The following CDKN2B variants were observed in gnomAD, a reference collection of about 807,000 sequenced individuals.
CDKN2B encodes cyclin-dependent kinase 4 inhibitor B.
In CDKN2B, 8 loss-of-function variants were observed where a neutral mutation model predicts 7.7. That is an observed-to-expected ratio of 1.04 (90% CI 0.61 to 1.87). The LOEUF is 1.87. Ranked by LOEUF, CDKN2B falls within the 40% of genes most tolerant of loss-of-function variation. CDKN2B has a pLI of 0.00. For missense variants in CDKN2B, 244 were observed against 213.1 expected (o/e 1.15, Z -0.90); for synonymous variants, 93 against 95.8 (o/e 0.97, Z 0.17).
At chr9:22,007,379 A>G (rs1821243350) in intron 1 of CDKN2B, among the ~76,000 whole-genome samples, 2 of 152,056 alleles carry the variant, frequency 1.3e-5, no homozygotes, top group African/African-American at 4.8e-5. Flanking sequence ...AAATAAATAA[A>G]TAAATAAATA....
Position 22,009,027 on chromosome 9 carries a change from T to C in CDKN2B, c.-74A>G. 6.3e-7 allele frequency: 1 copy of C among 1,598,002 alleles called. No homozygotes were observed. Among genetic ancestry groups the C allele is most frequent in the Non-Finnish European group, 8.6e-7 (1 of 1,166,368 alleles). On this transcript the variant is annotated 5_prime_UTR_variant, in exon 1 of 2. Coordinates refer to ENST00000276925, the MANE Select transcript of CDKN2B (RefSeq NM_004936.4). ...TAAACTTAACGACACTCTTCCCTTCTTTCCCACGCTGCTCCGGCGCACTCT... is the reference window on the plus strand; with the variant it reads ...TAAACTTAACGACACTCTTCCCTTCCTTCCCACGCTGCTCCGGCGCACTCT...
intron 1 of CDKN2B, among the ~76,000 whole-genome samples, chr9:22,008,053 C>A (rs1263692435): frequency 6.6e-6 from 1 of 152,056 alleles, no homozygotes; most frequent in East Asian, 1.9e-4. Flanking sequence ...TAAAAAATAT[C>A]AGTACTAATT....
Position 22,008,779 on chromosome 9 carries a change from G to A in CDKN2B, c.156+19C>T, listed in dbSNP as rs752167737. 2 of 1,607,682 alleles carry A rather than the reference G, an allele frequency of 1.2e-6. No homozygotes were observed. Among genetic ancestry groups the A allele is most frequent in the South Asian group, 1.1e-5 (1 of 90,756 alleles). On this transcript the variant is annotated intron_variant, in intron 1 of 1. Coordinates refer to ENST00000276925, the MANE Select transcript of CDKN2B (RefSeq NM_004936.4). The stretch of plus-strand genomic sequence containing the variant: ...CGTTCGCGCGCCCCCTGCCGGCGAG[G>A]CCCTGGGGCCCCAGCTACCTGGATC...
Position 22,009,136 on chromosome 9 carries a change from G to T in CDKN2B, c.-183C>A, listed in dbSNP as rs1176053324. ...TGGGGCCCCGTGCAGTGGCCGAGCGGCCGGTCGTTAGCTCCGGGCTTTTCC... is the reference window on the plus strand; with the variant it reads ...TGGGGCCCCGTGCAGTGGCCGAGCGTCCGGTCGTTAGCTCCGGGCTTTTCC... On this transcript the variant is annotated 5_prime_UTR_variant, in exon 1 of 2. Coordinates refer to ENST00000276925, the MANE Select transcript of CDKN2B (RefSeq NM_004936.4). 1.2e-6 allele frequency: 1 copy of T among 814,056 alleles called. No homozygotes were observed. The highest frequency in any genetic ancestry group is 2.0e-6 in the Non-Finnish European group (1 of 506,638). The allele number at this position is 814,056 out of a possible 1,614,324, so 50.4% of individuals were successfully genotyped here. A position where few individuals can be genotyped will look rare whatever the true frequency, so the allele number is the denominator to read the frequency against.
In CDKN2B at chr9:22,005,112, ATGTGTG is replaced by A. The variant is rs3028393; in HGVS notation, c.*869_*874del. 1,607 of 225,476 alleles carry A rather than the reference ATGTGTG, an allele frequency of 7.1e-3. 5 individuals are homozygous for A. The highest frequency in any genetic ancestry group is 0.011 in the Non-Finnish European group (1,285 of 114,162). 14.0% of individuals were successfully genotyped at this position (225,476 alleles called of 1,614,324 possible). A position where few individuals can be genotyped will look rare whatever the true frequency, so the allele number is the denominator to read the frequency against. ...CATAAGGGGATTTCCGCATCCTAGCATGTGTGTGTGTGTGTGTGTGTGTGTGTGTGA... is the reference window on the plus strand; with the variant it reads ...CATAAGGGGATTTCCGCATCCTAGCATGTGTGTGTGTGTGTGTGTGTGTGA... On this transcript the variant is annotated 3_prime_UTR_variant, in exon 2 of 2. Transcript: ENST00000276925. The surrounding 1 kb of genome is among the most constrained non-coding windows in gnomAD (Gnocchi z 4.9).
At position 22,005,564 on chromosome 9, in the gene CDKN2B, C is replaced by T. The variant is rs1041114151; in HGVS notation, c.*423G>A. On this transcript the variant is annotated 3_prime_UTR_variant, in exon 2 of 2. Coordinates refer to ENST00000276925, the MANE Select transcript of CDKN2B (RefSeq NM_004936.4). The surrounding 1 kb of genome is among the most constrained non-coding windows in gnomAD (Gnocchi z 4.9). ...ACTCCTCAGCAGACATTGGAGTGAA[C>T]GCATCGACTGCCGTCACCCAAGTGC... The T allele has an allele frequency of 5.1e-6, 2 of 393,040 alleles. No individual in the cohort carries two copies. Among genetic ancestry groups the T allele is most frequent in the Non-Finnish European group, 9.5e-6 (2 of 211,508 alleles). 24.3% of individuals were successfully genotyped at this position (393,040 alleles called of 1,614,324 possible). A position where few individuals can be genotyped will look rare whatever the true frequency, so the allele number is the denominator to read the frequency against.
chr9:22,007,356 C>T (rs1164300845), intron 1 of CDKN2B, among the ~76,000 whole-genome samples: 1 of 72,410 alleles, frequency 1.4e-5, no homozygotes, highest in African/African-American at 1.7e-4. Context: ...GAGGCCTCAT[C>T]TCAAAAAAAA....
rs1489617960 is a variant in CDKN2B, at chr9:22,006,310, G to C, written c.157-63C>G. 1.2e-5 allele frequency: 19 copies of C among 1,594,312 alleles called. No individual in the cohort carries two copies. Among genetic ancestry groups the C allele is most frequent in the Non-Finnish European group, 1.4e-5 (17 of 1,177,262 alleles). On this transcript the variant is annotated intron_variant, in intron 1 of 1. Transcript: ENST00000276925. This position sits in a 1 kb window ranked among gnomAD's most constrained non-coding sequence, Gnocchi z 6.4. ...GGCAGGTATGGGAGATGCCGGCCGGGGCAAGGCAGGTGGAGCCATTTAAAG... is the reference window on the plus strand; with the variant it reads ...GGCAGGTATGGGAGATGCCGGCCGGCGCAAGGCAGGTGGAGCCATTTAAAG...
chr9:22,005,890 GCC>G lies in CDKN2B; in HGVS notation c.*95_*96del. ...AGGCTTGCAGGCTTACAGGCTTTCC[GCC>G]GCTCCCCGTTGGCAGCCTTCATCGA... is the stretch of plus-strand genomic sequence containing the variant. On this transcript the variant is annotated 3_prime_UTR_variant, in exon 2 of 2. Coordinates refer to ENST00000276925, the MANE Select transcript of CDKN2B (RefSeq NM_004936.4). The surrounding 1 kb of genome is among the most constrained non-coding windows in gnomAD (Gnocchi z 4.9). 1 of 1,499,352 alleles carries G rather than the reference GCC, an allele frequency of 6.7e-7. No homozygotes were observed. The highest frequency in any genetic ancestry group is 9.0e-7 in the Non-Finnish European group (1 of 1,110,858). The allele number at this position is 1,499,352 out of a possible 1,614,324, so 92.9% of individuals were successfully genotyped here. A position where few individuals can be genotyped will look rare whatever the true frequency, so the allele number is the denominator to read the frequency against.
Position 22,004,737 on chromosome 9 carries a change from C to G in CDKN2B, c.*1250G>C. On this transcript the variant is annotated 3_prime_UTR_variant, in exon 2 of 2. Coordinates refer to ENST00000276925, the MANE Select transcript of CDKN2B (RefSeq NM_004936.4). ...TTTTCAAGTTTTTATACTCAATCTACTTTTTCAGCAATCTTTTGGGAACTA... is the reference window on the plus strand; with the variant it reads ...TTTTCAAGTTTTTATACTCAATCTAGTTTTTCAGCAATCTTTTGGGAACTA... 8.6e-6 allele frequency: 2 copies of G among 232,992 alleles called. No individual in the cohort carries two copies. Among genetic ancestry groups the G allele is most frequent in the Non-Finnish European group, 1.7e-5 (2 of 117,912 alleles). The allele number at this position is 232,992 out of a possible 1,614,324, so 14.4% of individuals were successfully genotyped here. A position where few individuals can be genotyped will look rare whatever the true frequency, so the allele number is the denominator to read the frequency against.
In CDKN2B at chr9:22,004,936, A is replaced by G. The variant is rs1821090820; in HGVS notation, c.*1051T>C. On this transcript the variant is annotated 3_prime_UTR_variant, in exon 2 of 2. Transcript: ENST00000276925. ...TCTAGGCGTTTGCACTGAGTTTGCA[A>G]CAGTGCCATTGCTACATTTAAGAGC... is the stretch of plus-strand genomic sequence containing the variant. The G allele has an allele frequency of 4.3e-6, 1 of 233,236 alleles. No homozygotes were observed. The highest frequency in any genetic ancestry group is 1.8e-4 in the South Asian group (1 of 5,536). 14.4% of individuals were successfully genotyped at this position (233,236 alleles called of 1,614,324 possible).
chr9:22,005,914 T>C lies in CDKN2B; in HGVS notation c.*73A>G. ...CGCCGCTCCCCGTTGGCAGCCTTCATCGAATTAGGTGGGTGGGGGTGGGAA... is the reference window on the plus strand; with the variant it reads ...CGCCGCTCCCCGTTGGCAGCCTTCACCGAATTAGGTGGGTGGGGGTGGGAA... On this transcript the variant is annotated 3_prime_UTR_variant, in exon 2 of 2. Transcript: ENST00000276925. This position sits in a 1 kb window ranked among gnomAD's most constrained non-coding sequence, Gnocchi z 4.9. The C allele has an allele frequency of 1.3e-6, 2 of 1,566,838 alleles. No individual in the cohort carries two copies. The highest frequency in any genetic ancestry group is 1.7e-6 in the Non-Finnish European group (2 of 1,161,990).
chr9:22,008,638 G>A, intron 1 of CDKN2B, 160 bp downstream of exon 1: 2 of 1,587,490 alleles, frequency 1.3e-6, no homozygotes, highest in Non-Finnish European at 1.7e-6. Context: ...TAGGATTTTT[G>A]CTGGGTAAAA....
chr9:22,005,850 C>T lies in CDKN2B; in HGVS notation c.*137G>A. The T allele has an allele frequency of 3.3e-6, 4 of 1,215,172 alleles. No individual in the cohort carries two copies. Among genetic ancestry groups the T allele is most frequent in the Non-Finnish European group, 4.6e-6 (4 of 861,790 alleles). 75.3% of individuals were successfully genotyped at this position (1,215,172 alleles called of 1,614,324 possible). ...GTTATTCCCGGTCGGCTCCTCCTTC[C>T]TGTGAGTCTCAGACAGGCTTGCAGG... On this transcript the variant is annotated 3_prime_UTR_variant, in exon 2 of 2. Coordinates refer to ENST00000276925, the MANE Select transcript of CDKN2B (RefSeq NM_004936.4). This position sits in a 1 kb window ranked among gnomAD's most constrained non-coding sequence, Gnocchi z 4.9.
In CDKN2B at chr9:22,006,054, A is replaced by C. The variant is rs1298213084; in HGVS notation, c.350T>G (p.Val117Gly). The C allele has an allele frequency of 6.2e-7, 1 of 1,605,616 alleles. No homozygotes were observed. Among genetic ancestry groups the C allele is most frequent in the South Asian group, 1.1e-5 (1 of 90,976 alleles). ...GTGGCCCCGCTCCTCGGCCAAGTCC[A>C]CGGGCAGACGACCCCAGGCATCGCG... ...DVRDAWGRLP[V>G]DLAEERGHRD... The change falls in exon 2 of 2, where the codon GTG becomes GGG. Residue 117 changes from valine (V) to glycine (G), a missense_variant. Coordinates refer to ENST00000276925, the MANE Select transcript of CDKN2B (RefSeq NM_004936.4). The surrounding 1 kb of genome is among the most constrained non-coding windows in gnomAD (Gnocchi z 6.4).
In CDKN2B at chr9:22,004,374, T is replaced by C; in HGVS notation, c.*1613A>G. 1 of 232,202 alleles carries C rather than the reference T, an allele frequency of 4.3e-6. No homozygotes were observed. 14.4% of individuals were successfully genotyped at this position (232,202 alleles called of 1,614,324 possible). ...GTAGAATGAGCATTTAGAAGCATAA[T>C]ACATGTATACACTTTGTGTTTAATT... On this transcript the variant is annotated 3_prime_UTR_variant, in exon 2 of 2. Transcript: ENST00000276925.
Position 22,005,843 on chromosome 9 carries a change from C to T in CDKN2B, c.*144G>A. The T allele has an allele frequency of 8.8e-7, 1 of 1,138,194 alleles. No individual in the cohort carries two copies. Among genetic ancestry groups the T allele is most frequent in the Non-Finnish European group, 1.3e-6 (1 of 793,912 alleles). The allele number at this position is 1,138,194 out of a possible 1,614,324, so 70.5% of individuals were successfully genotyped here. A position where few individuals can be genotyped will look rare whatever the true frequency, so the allele number is the denominator to read the frequency against. The stretch of plus-strand genomic sequence containing the variant: ...ATGGAAGGTTATTCCCGGTCGGCTC[C>T]TCCTTCCTGTGAGTCTCAGACAGGC... On this transcript the variant is annotated 3_prime_UTR_variant, in exon 2 of 2. Transcript: ENST00000276925. The surrounding 1 kb of genome is among the most constrained non-coding windows in gnomAD (Gnocchi z 4.9).
chr9:22,006,124 C>G lies in CDKN2B; in HGVS notation c.280G>C (p.Asp94His), dbSNP rs917099997. 3.7e-6 allele frequency: 6 copies of G among 1,611,002 alleles called. No homozygotes were observed. The highest frequency in any genetic ancestry group is 5.1e-6 in the Non-Finnish European group (6 of 1,179,842). Residue 94 changes from aspartate (D) to histidine (H), a missense_variant, in exon 2 of 2, where the codon GAC (aspartate) becomes CAC (histidine). Physicochemically the swap from Asp to His is moderately conservative, Grantham distance 81. Transcript: ENST00000276925. The surrounding 1 kb of genome is among the most constrained non-coding windows in gnomAD (Gnocchi z 6.4). Reference sequence around the variant, plus strand: ...GCCCGGTGCAGCACCACCAGCGTGTCCAGGAAGCCCTCCCGGGCAGCATCA... The same window carrying G: ...GCCCGGTGCAGCACCACCAGCGTGTGCAGGAAGCCCTCCCGGGCAGCATCA... ...VHDAAREGFL[D>H]TLVVLHRAGA...
rs1352340377 is a variant in CDKN2B at position 22,005,435 on chromosome 9, G to GGT, written c.*551_*552insAC. ...ACTTGCCATGCGCTCAAACTAAAGC[G>GGT]CCGCCGGGGACTTACTGAAGCCCAC... On this transcript the variant is annotated 3_prime_UTR_variant, in exon 2 of 2. Coordinates refer to ENST00000276925, the MANE Select transcript of CDKN2B (RefSeq NM_004936.4). The surrounding 1 kb of genome is among the most constrained non-coding windows in gnomAD (Gnocchi z 4.9). 43 of 245,648 alleles carry GGT rather than the reference G, an allele frequency of 1.8e-4. No individual in the cohort carries two copies. Among genetic ancestry groups the GGT allele is most frequent in the Non-Finnish European group, 2.1e-4 (26 of 125,522 alleles). 15.2% of individuals were successfully genotyped at this position (245,648 alleles called of 1,614,324 possible).
Sources: gnomAD v4.1 joint callset for allele counts (sites outside exome capture counted in the v4.1 genomes callset) on GRCh38, gnomAD v4.1.1 for gene constraint, Gnocchi (gnomAD v3.1) non-coding constraint, MANE v1.5 for transcripts, NCBI Gene and HGNC (gene_info 2026-07-23, HGNC 2026-07-21) for gene names.